MYH10: variants seen among roughly 807,000 people sequenced by gnomAD.
The protein encoded by MYH10 is myosin heavy chain 10.
MYH10 carries 55 observed loss-of-function variants against 257.8 expected under a neutral mutation model. The ratio of observed to expected loss-of-function variants is 0.21; its 90% CI spans 0.17 to 0.27. The LOEUF is 0.27. Among genes scored for constraint, MYH10 ranks in the 10% least tolerant of loss-of-function variants. The pLI is 1.00. For missense variants in MYH10, 1,631 were observed against 2,500.6 expected, an observed-to-expected ratio of 0.65 and a Z score of 7.42; for synonymous variants, 854 against 921.7, an observed-to-expected ratio of 0.93 and a Z score of 1.33.
At chr17:8,553,902 A>G (rs1345881057) in intron 8 of MYH10, 53 bp downstream of exon 8, 5 of 1,459,124 alleles carry the variant, frequency 3.4e-6, no homozygotes, top group Non-Finnish European at 4.8e-6. Flanking sequence ...ATGGGGTTGT[A>G]GGAAGACTAA....
At chr17:8,543,398 C>G (rs551876964) in intron 13 of MYH10, among the ~76,000 whole-genome samples, 1 of 152,040 alleles carries the variant, frequency 6.6e-6, no homozygotes, top group Admixed American at 6.5e-5. Flanking sequence ...TCTGCTTATT[C>G]ATGTTCATGT....
intron 16 of MYH10, among the ~76,000 whole-genome samples, chr17:8,534,388 C>CT (rs570799183): frequency 6.4e-4 from 98 of 152,332 alleles, no homozygotes; most frequent in African/African-American, 2.2e-3. Context: ...GCATCCCCCC[C>CT]TGCAGCTCCC....
At chr17:8,517,594 C>T (rs1384122978) in intron 21 of MYH10, among the ~76,000 whole-genome samples, 3 of 152,242 alleles carry the variant, frequency 2.0e-5, no homozygotes, top group African/African-American at 7.2e-5. Flanking sequence ...AACAACTTTT[C>T]TCTCGTTCTC....
At chr17:8,534,494 A>C (rs1030189731) in intron 16 of MYH10, among the ~76,000 whole-genome samples, 3 of 152,172 alleles carry the variant, frequency 2.0e-5, no homozygotes, top group Non-Finnish European at 4.4e-5. Flanking sequence ...CCATTCTTCA[A>C]TTCCTGTCTC....
intron 16 of MYH10, among the ~76,000 whole-genome samples, chr17:8,531,646 C>A (rs2082007285): frequency 6.6e-6 from 1 of 151,906 alleles, no homozygotes; most frequent in Non-Finnish European, 1.5e-5. Context: ...CTGCCTCAGC[C>A]TCCCAAACTG....
intron 9 of MYH10, among the ~76,000 whole-genome samples, chr17:8,550,189 G>A (rs991196206): frequency 3.4e-5 from 5 of 148,472 alleles, no homozygotes; most frequent in African/African-American, 1.3e-4. Flanking sequence ...TGGCTGCCCA[G>A]TCTGGAAAGT....
chr17:8,551,995 T>G, intron 9 of MYH10, 51 bp downstream of exon 9: 3 of 1,064,828 alleles, frequency 2.8e-6, no homozygotes, highest in South Asian at 4.7e-5. Flanking sequence ...AAAAAAAAAT[T>G]AAAAGAGATA....
chr17:8,502,684 G>A (rs1048872306), intron 28 of MYH10, among the ~76,000 whole-genome samples: 3 of 152,158 alleles, frequency 2.0e-5, no homozygotes, highest in African/African-American at 7.2e-5. Flanking sequence ...CAGGGCCCAG[G>A]TGGGGTGGTT....
In MYH10 at chr17:8,571,179, G is replaced by GTTTT. The variant is rs68138748; in HGVS notation, c.664-1371_664-1368dup. Among the ~76,000 whole-genome samples the GTTTT allele has an allele frequency of 1.4e-5, 2 of 144,686 alleles. 1 individual carries two copies. The allele number at this position is 144,686 out of a possible 152,430, so 94.9% of individuals were successfully genotyped here. On this transcript the variant is annotated intron_variant, in intron 6 of 42. Transcript: ENST00000360416. ...AGACTATTTTTCCTGTAAAGTTTTT[G>GTTTT]TTTTTTTTTTTTTGAGACGGAGACT...
chr17:8,563,207 G>A (rs2083053700), intron 7 of MYH10, among the ~76,000 whole-genome samples: 1 of 152,152 alleles, frequency 6.6e-6, no homozygotes, highest in African/African-American at 2.4e-5. Context: ...AAGGCCAGAT[G>A]GCCACCTTAA....
At chr17:8,575,353 A>T (rs967945644) in intron 6 of MYH10, among the ~76,000 whole-genome samples, 1 of 152,256 alleles carries the variant, frequency 6.6e-6, no homozygotes, top group African/African-American at 2.4e-5. Flanking sequence ...CGACACAAGT[A>T]CAAATTAAAA....
intron 2 of MYH10, among the ~76,000 whole-genome samples, chr17:8,606,444 G>T (rs1360118697): frequency 1.3e-5 from 2 of 152,066 alleles, no homozygotes; most frequent in African/African-American, 4.8e-5. Flanking sequence ...AAAGCAAGAG[G>T]ACATGAAAAA....
chr17:8,535,239 C>A lies in MYH10; in HGVS notation c.1894+148G>T. On this transcript the variant is annotated intron_variant, in intron 16 of 42. Transcript: ENST00000360416. The surrounding 1 kb of genome is among the most constrained non-coding windows in gnomAD (Gnocchi z 4.3). ...CAAGTATTGTTAAAACGGATAAATT[C>A]CGATATAACGGCAGCCCTGCTCTAG... is the stretch of plus-strand genomic sequence containing the variant. The A allele has an allele frequency of 1.8e-6, 1 of 559,282 alleles. No homozygotes were observed. The allele number at this position is 559,282 out of a possible 1,614,324, so 34.6% of individuals were successfully genotyped here. A position where few individuals can be genotyped will look rare whatever the true frequency, so the allele number is the denominator to read the frequency against.
At chr17:8,609,651 G>A (rs931113569) in intron 2 of MYH10, among the ~76,000 whole-genome samples, 9 of 152,030 alleles carry the variant, frequency 5.9e-5, no homozygotes, top group African/African-American at 1.4e-4. Context: ...ATCTGAAAAC[G>A]TAAAATTAAA....
At chr17:8,584,295 C>T (rs766737499) in intron 4 of MYH10, among the ~76,000 whole-genome samples, 20 of 152,138 alleles carry the variant, frequency 1.3e-4, no homozygotes, top group Non-Finnish European at 2.8e-4. Context: ...GGGGGAAAAG[C>T]AAATTACAGA....
At chr17:8,604,212 T>C (rs1332942596) in intron 3 of MYH10, among the ~76,000 whole-genome samples, 1 of 152,196 alleles carries the variant, frequency 6.6e-6, no homozygotes, top group African/African-American at 2.4e-5. Context: ...GGAACTCCCA[T>C]GTTTAAATGA....
rs2081556418 is a variant in MYH10 at position 8,518,738 on chromosome 17, T to C, written c.2397A>G (p.Ile799Met). ...PNLYRIGQSK[I>M]FFRAGVLAHL... is the part of the protein sequence containing the mutation. ...GTGCCAGAACTCCAGCTCTGAAAAA[T>C]ATCTTGCTCTGTCCAATTCTGTACA... Residue 799 changes from isoleucine (I) to methionine (M), a missense_variant, in exon 21 of 43, where the codon ATA (isoleucine) becomes ATG (methionine). By Grantham distance (10) the Ile-to-Met change is conservative. Coordinates refer to ENST00000360416, the MANE Select transcript of MYH10 (RefSeq NM_001256012.3). 1 of 1,614,156 alleles carries C rather than the reference T, an allele frequency of 6.2e-7. No homozygotes were observed. The highest frequency in any genetic ancestry group is 1.1e-5 in the South Asian group (1 of 91,086).
At chr17:8,568,600 G>A (rs1302861706) in intron 7 of MYH10, among the ~76,000 whole-genome samples, 1 of 152,054 alleles carries the variant, frequency 6.6e-6, no homozygotes, top group Non-Finnish European at 1.5e-5. Context: ...GAAAAAAAAG[G>A]GAAGAATTAA....
rs763121137 is a variant in MYH10 at position 8,476,883 on chromosome 17, G to T, written c.5872C>A (p.Arg1958=). 4 of 1,607,994 alleles carry T rather than the reference G, an allele frequency of 2.5e-6. No homozygotes were observed. Among genetic ancestry groups the T allele is most frequent in the Non-Finnish European group, 3.4e-6 (4 of 1,178,980 alleles). The change falls in exon 42 of 43, where the codon CGG becomes AGG. Residue 1958 remains arginine (R), a synonymous_variant. Transcript: ENST00000360416. ...LSREVSTLKN[R]LRRGGPISFS... ...GGCCGCATGCCTGCTCACCTCAGCC[G>T]GTTCTTCAGGGTGCTGACCTCGCGG...
Sources: allele counts gnomAD v4.1 joint callset (sites outside exome capture counted in the v4.1 genomes callset), GRCh38; gene constraint gnomAD v4.1.1; non-coding constraint Gnocchi (gnomAD v3.1); transcripts MANE v1.5; gene names NCBI Gene and HGNC (gene_info 2026-07-23, HGNC 2026-07-21).